The following CDH13 variants were observed in gnomAD, a reference collection of about 807,000 sequenced individuals.
The protein encoded by CDH13 is cadherin 13, also known as cadherin-13.
Under a neutral mutation model 63.8 loss-of-function variants are expected in CDH13, and 24 were observed. The ratio of observed to expected loss-of-function variants is 0.38; its 90% CI spans 0.27 to 0.53. CDH13 has a LOEUF of 0.53. CDH13 is among the 20% of genes least tolerant of loss of function. The pLI, the probability that CDH13 is intolerant of heterozygous loss-of-function variation, is 0.85. For synonymous variants in CDH13, 503 were observed against 355.3 expected, an observed-to-expected ratio of 1.42 and a Z score of -4.67; for missense variants, 1,049 against 903.1, an observed-to-expected ratio of 1.16 and a Z score of -2.07.
intron 1 of CDH13, among the ~76,000 whole-genome samples, chr16:82,780,633 AG>A (rs1299055846): frequency 6.6e-6 from 1 of 152,264 alleles, no homozygotes; most frequent in African/African-American, 2.4e-5. Flanking sequence ...TCATTAGTTT[AG>A]CTCAAGGGAA....
chr16:83,159,452 C>T (rs946207287), intron 4 of CDH13, among the ~76,000 whole-genome samples: 1 of 152,052 alleles, frequency 6.6e-6, no homozygotes, highest in Non-Finnish European at 1.5e-5. Context: ...AGTCTTGTGG[C>T]GTTTATTCTT....
chr16:83,210,010 A>G (rs140057846), intron 4 of CDH13, among the ~76,000 whole-genome samples: 374 of 152,076 alleles, frequency 2.5e-3, no homozygotes, highest in African/African-American at 8.6e-3. Flanking sequence ...ATCAAAGAAG[A>G]GCTCTGAGAT....
chr16:83,781,749 C>T (rs971316533), intron 12 of CDH13, among the ~76,000 whole-genome samples: 2 of 151,166 alleles, frequency 1.3e-5, no homozygotes, highest in Non-Finnish European at 1.5e-5. Context: ...TTGGAACTTT[C>T]TCATTCAAGA....
intron 4 of CDH13, among the ~76,000 whole-genome samples, chr16:83,170,470 T>A (rs929378658): frequency 4.6e-5 from 7 of 152,092 alleles, no homozygotes; most frequent in African/African-American, 1.2e-4. Context: ...GATACTATGT[T>A]TCATGAGGCA....
At chr16:82,959,974 A>T (rs1037584844) in intron 2 of CDH13, among the ~76,000 whole-genome samples, 5 of 152,310 alleles carry the variant, frequency 3.3e-5, no homozygotes, top group Middle Eastern at 3.4e-3. Flanking sequence ...TTTATTTTTT[A>T]AAAAAACATT....
intron 6 of CDH13, among the ~76,000 whole-genome samples, chr16:83,478,085 A>G (rs1010298309): frequency 5.9e-5 from 9 of 151,820 alleles, no homozygotes; most frequent in African/African-American, 2.2e-4. Context: ...GCATGAACCC[A>G]AGAGGCGGAG....
chr16:83,003,467 A>C (rs1218881904), intron 2 of CDH13, among the ~76,000 whole-genome samples: 1 of 152,210 alleles, frequency 6.6e-6, no homozygotes, highest in Admixed American at 6.5e-5. Flanking sequence ...TAGGGAGAAT[A>C]AATAAATGTA....
At chr16:83,483,350 T>A (rs2073815916) in intron 6 of CDH13, among the ~76,000 whole-genome samples, 2 of 152,154 alleles carry the variant, frequency 1.3e-5, no homozygotes, top group African/African-American at 4.8e-5. Flanking sequence ...TTTCTGTGTA[T>A]GCTTGGGAAT....
chr16:83,576,746 T>A (rs1905111897), intron 7 of CDH13, among the ~76,000 whole-genome samples: 1 of 152,240 alleles, frequency 6.6e-6, no homozygotes, highest in African/African-American at 2.4e-5. Flanking sequence ...GACTTACATT[T>A]ATGTCATGAT....
At chr16:83,059,269 T>C (rs1444527618) in intron 3 of CDH13, among the ~76,000 whole-genome samples, 1 of 152,322 alleles carries the variant, frequency 6.6e-6, no homozygotes, top group Non-Finnish European at 1.5e-5. Context: ...GGAGCCTTTT[T>C]TCCTAGTCTC....
intron 2 of CDH13, among the ~76,000 whole-genome samples, chr16:82,966,760 T>C (rs776514860): frequency 5.3e-5 from 8 of 152,206 alleles, no homozygotes; most frequent in Non-Finnish European, 7.3e-5. Context: ...CCCCCAACTA[T>C]TGAAGAGAAA....
At chr16:83,300,554 T>C (rs1567574634) in intron 5 of CDH13, among the ~76,000 whole-genome samples, 1 of 152,228 alleles carries the variant, frequency 6.6e-6, no homozygotes, top group Non-Finnish European at 1.5e-5. Context: ...AACAAACGTA[T>C]ACAAACAAAT....
chr16:82,642,428 A>C (rs1157322511), intron 1 of CDH13, among the ~76,000 whole-genome samples: 3 of 152,230 alleles, frequency 2.0e-5, no homozygotes, highest in African/African-American at 4.8e-5. Context: ...ACAGGGCATA[A>C]TAAAGAATAT....
chr16:83,113,650 A>T (rs972795212), intron 3 of CDH13, among the ~76,000 whole-genome samples: 1 of 152,212 alleles, frequency 6.6e-6, no homozygotes, highest in Non-Finnish European at 1.5e-5. Context: ...AGTGCAGCCA[A>T]TCCTCATAGC....
intron 7 of CDH13, among the ~76,000 whole-genome samples, chr16:83,518,716 C>G (rs1321920649): frequency 6.6e-6 from 1 of 151,946 alleles, no homozygotes; most frequent in Non-Finnish European, 1.5e-5. Flanking sequence ...CGTGATCTGC[C>G]CGCCTCAGCC....
intron 2 of CDH13, among the ~76,000 whole-genome samples, chr16:83,002,640 T>C (rs1241091834): frequency 6.6e-6 from 1 of 152,210 alleles, no homozygotes; most frequent in Non-Finnish European, 1.5e-5. Flanking sequence ...TTGTGATCAA[T>C]GTAACACAGT....
intron 5 of CDH13, among the ~76,000 whole-genome samples, chr16:83,297,273 G>A (rs917313322): frequency 1.6e-4 from 24 of 152,230 alleles, no homozygotes; most frequent in African/African-American, 5.5e-4. Flanking sequence ...TTGAGATGAT[G>A]GATATGCTAA....
At chr16:83,527,440 C>T (rs1391833131) in intron 7 of CDH13, among the ~76,000 whole-genome samples, 4 of 150,096 alleles carry the variant, frequency 2.7e-5, no homozygotes, top group Non-Finnish European at 5.9e-5. Flanking sequence ...CAAAGCGAGA[C>T]CCCATCTCAA....
chr16:83,655,612 A>G (rs1276563455), intron 8 of CDH13, among the ~76,000 whole-genome samples: 2 of 152,176 alleles, frequency 1.3e-5, no homozygotes, highest in African/African-American at 4.8e-5. Context: ...AAGGCCTGGG[A>G]ACCCATGGAA....
Sources: gnomAD v4.1 joint callset for allele counts (sites outside exome capture counted in the v4.1 genomes callset) on GRCh38, gnomAD v4.1.1 for gene constraint, MANE v1.5 for transcripts, NCBI Gene and HGNC (gene_info 2026-07-23, HGNC 2026-07-21) for gene names.